TBCE: variants seen among roughly 807,000 people sequenced by gnomAD.
The protein encoded by TBCE is tubulin folding cofactor E, also known as tubulin-specific chaperone E.
In TBCE, 53 loss-of-function variants were observed where a neutral mutation model predicts 77.0. That is an observed-to-expected ratio of 0.69 (90% CI 0.55 to 0.87). The LOEUF (loss-of-function observed/expected upper bound fraction) is 0.87, where lower values mean the gene tolerates loss of function less well. TBCE is among the 40% of genes least tolerant of loss of function. TBCE has a pLI of 0.00. For synonymous variants in TBCE, 235 were observed against 241.3 expected, an observed-to-expected ratio of 0.97 and a Z score of 0.24; for missense variants, 624 against 622.4, an observed-to-expected ratio of 1.00 and a Z score of -0.03.
At chr1:235,401,410 G>A in intron 2 of TBCE, 93 bp from the exon 3 acceptor site, 1 of 1,063,130 alleles carries the variant, frequency 9.4e-7, no homozygotes, top group East Asian at 2.5e-5. Context: ...TGTGTGATAT[G>A]GTTTCCGCTG....
intron 2 of TBCE, among the ~76,000 whole-genome samples, chr1:235,380,895 C>T (rs1255768102): frequency 6.6e-6 from 1 of 152,110 alleles, no homozygotes; most frequent in Non-Finnish European, 1.5e-5. Context: ...AAGCGATTCT[C>T]CTGCCTCAGT....
At chr1:235,446,585 T>A (rs1317961906) in intron 15 of TBCE, among the ~76,000 whole-genome samples, 1 of 152,168 alleles carries the variant, frequency 6.6e-6, no homozygotes, top group Non-Finnish European at 1.5e-5. Context: ...ATCAGCTATT[T>A]CCATATTTTC....
intron 6 of TBCE, among the ~76,000 whole-genome samples, chr1:235,427,484 C>T (rs371783403): frequency 1.1e-4 from 16 of 152,158 alleles, no homozygotes; most frequent in Non-Finnish European, 2.2e-4. Flanking sequence ...CCTGTAAAAT[C>T]GAGCTGCAGA....
intron 2 of TBCE, among the ~76,000 whole-genome samples, chr1:235,394,276 G>A (rs919703774): frequency 2.0e-5 from 3 of 151,846 alleles, no homozygotes; most frequent in African/African-American, 4.8e-5. Flanking sequence ...GGGTTTCACC[G>A]TGTTAGCCAG....
At chr1:235,372,369 A>ACAG (rs1270845984) in intron 1 of TBCE, among the ~76,000 whole-genome samples, 23 of 152,164 alleles carry the variant, frequency 1.5e-4, no homozygotes, top group Non-Finnish European at 2.8e-4. Context: ...GCTTTGTAGA[A>ACAG]CCTTAAACAT....
intron 1 of TBCE, among the ~76,000 whole-genome samples, chr1:235,371,209 A>G (rs1238229007): frequency 1.3e-5 from 2 of 149,438 alleles, no homozygotes; most frequent in Non-Finnish European, 3.0e-5. Context: ...GGCATGCGCC[A>G]CCATACCTGA....
chr1:235,403,131 A>G (rs955595728), intron 3 of TBCE, among the ~76,000 whole-genome samples: 16 of 152,146 alleles, frequency 1.1e-4, no homozygotes, highest in Non-Finnish European at 2.4e-4. Context: ...TTATATGGTT[A>G]GGGAGAAATA....
intron 1 of TBCE, among the ~76,000 whole-genome samples, chr1:235,374,182 C>T (rs1677150884): frequency 6.9e-6 from 1 of 144,198 alleles, no homozygotes; most frequent in Admixed American, 6.9e-5. Context: ...CCTCGAACTC[C>T]TGACCTCAGA....
intron 2 of TBCE, among the ~76,000 whole-genome samples, chr1:235,393,442 G>A (rs751045987): frequency 6.6e-6 from 1 of 152,152 alleles, no homozygotes; most frequent in Non-Finnish European, 1.5e-5. Context: ...GGAGGCTGAG[G>A]CAGGAGAATC....
intron 5 of TBCE, among the ~76,000 whole-genome samples, chr1:235,425,732 G>A (rs1680673372): frequency 6.6e-6 from 1 of 152,090 alleles, no homozygotes; most frequent in East Asian, 1.9e-4. Context: ...TCACACAGGC[G>A]CTGGCGGTCC....
intron 3 of TBCE, among the ~76,000 whole-genome samples, chr1:235,408,502 T>C (rs1558367694): frequency 6.6e-6 from 1 of 151,442 alleles, no homozygotes; most frequent in African/African-American, 2.4e-5. Context: ...TTCAAAAAGG[T>C]GGTAGCTCTG....
At chr1:235,409,226 C>G (rs1421794641) in intron 3 of TBCE, among the ~76,000 whole-genome samples, 3 of 151,998 alleles carry the variant, frequency 2.0e-5, no homozygotes, top group African/African-American at 4.8e-5. Context: ...GATGATTTTA[C>G]CAGCAGCATG....
At chr1:235,404,573 C>G (rs537784399) in intron 3 of TBCE, among the ~76,000 whole-genome samples, 1 of 152,244 alleles carries the variant, frequency 6.6e-6, no homozygotes, top group South Asian at 2.1e-4. Flanking sequence ...ACTTTGGAAA[C>G]ACTGTAGCCT....
At chr1:235,393,055 A>C (rs1678489943) in intron 2 of TBCE, among the ~76,000 whole-genome samples, 1 of 152,168 alleles carries the variant, frequency 6.6e-6, no homozygotes, top group African/African-American at 2.4e-5. Flanking sequence ...GATTAATTTT[A>C]GACATGAGTT....
chr1:235,421,486 T>C (rs1680397422), intron 5 of TBCE, among the ~76,000 whole-genome samples: 1 of 152,026 alleles, frequency 6.6e-6, no homozygotes, highest in South Asian at 2.1e-4. Context: ...GGTGGGCGGA[T>C]CATCTGAGGT....
intron 5 of TBCE, among the ~76,000 whole-genome samples, chr1:235,421,537 A>G (rs1349918841): frequency 6.6e-6 from 1 of 152,002 alleles, no homozygotes; most frequent in Non-Finnish European, 1.5e-5. Flanking sequence ...GTGAAACTCC[A>G]TCTCTACTAA....
At chr1:235,440,487 G>A (rs1041734016) in intron 13 of TBCE, among the ~76,000 whole-genome samples, 4 of 151,724 alleles carry the variant, frequency 2.6e-5, no homozygotes, top group African/African-American at 7.3e-5. Flanking sequence ...CTACCTCCTG[G>A]GTTCAAGTGA....
At chr1:235,420,801 T>C (rs1309312665) in intron 5 of TBCE, among the ~76,000 whole-genome samples, 1 of 152,068 alleles carries the variant, frequency 6.6e-6, no homozygotes, top group Non-Finnish European at 1.5e-5. Flanking sequence ...AATTTTTGTA[T>C]TTTTAGTAGA....
chr1:235,377,834 G>A (rs1248477616), intron 1 of TBCE, among the ~76,000 whole-genome samples: 1 of 151,868 alleles, frequency 6.6e-6, no homozygotes, highest in Non-Finnish European at 1.5e-5. Flanking sequence ...TGTATTTTTA[G>A]TAGAGACGGG....
Sources: gnomAD v4.1 joint callset for allele counts (sites outside exome capture counted in the v4.1 genomes callset) on GRCh38, gnomAD v4.1.1 for gene constraint, MANE v1.5 for transcripts, NCBI Gene and HGNC (gene_info 2026-07-23, HGNC 2026-07-21) for gene names.